MYRIP: variants seen among roughly 807,000 people sequenced by gnomAD.
The protein encoded by MYRIP is myosin VIIA and Rab interacting protein.
In MYRIP, 49 loss-of-function variants were observed where a neutral mutation model predicts 98.0. The observed-to-expected ratio is 0.50, with a 90% CI of 0.40 to 0.63. The LOEUF is 0.63. Ranked by LOEUF, MYRIP falls within the 30% of genes least tolerant of loss-of-function variation. The probability of loss-of-function intolerance (pLI) is 0.00; values close to 1 mark genes in which losing one functional copy is unlikely to be tolerated. For missense variants in MYRIP, 1,004 were observed against 1,058.2 expected, an observed-to-expected ratio of 0.95 and a Z score of 0.71; for synonymous variants, 404 against 409.5, an observed-to-expected ratio of 0.99 and a Z score of 0.16.
intron 2 of MYRIP, among the ~76,000 whole-genome samples, chr3:39,957,173 A>G (rs1403543472): frequency 6.6e-6 from 1 of 151,802 alleles, no homozygotes; most frequent in Non-Finnish European, 1.5e-5. Flanking sequence ...TCCCTAACTC[A>G]TTTTATGAGG....
At chr3:40,254,899 A>G (rs1953523872) in intron 16 of MYRIP, among the ~76,000 whole-genome samples, 1 of 152,178 alleles carries the variant, frequency 6.6e-6, no homozygotes. Flanking sequence ...AAACAAGGAC[A>G]AATTTATTTT....
intron 1 of MYRIP, among the ~76,000 whole-genome samples, chr3:39,833,835 A>C (rs1941544727): frequency 6.6e-6 from 1 of 152,218 alleles, no homozygotes; most frequent in Non-Finnish European, 1.5e-5. Context: ...AGCCTGGCCA[A>C]CATGGTGAAA....
At chr3:39,839,241 T>A (rs1230238361) in intron 1 of MYRIP, among the ~76,000 whole-genome samples, 1 of 151,966 alleles carries the variant, frequency 6.6e-6, no homozygotes, top group Non-Finnish European at 1.5e-5. Context: ...TTTGAATTTG[T>A]TTGCTCTTGC....
At chr3:40,117,424 CA>C (rs1334378622) in intron 3 of MYRIP, among the ~76,000 whole-genome samples, 1 of 152,206 alleles carries the variant, frequency 6.6e-6, no homozygotes, top group East Asian at 1.9e-4. Flanking sequence ...TAGCTTGAGG[CA>C]ACCTTCTGCC....
At chr3:40,215,474 C>T (rs1952089083) in intron 11 of MYRIP, among the ~76,000 whole-genome samples, 1 of 152,014 alleles carries the variant, frequency 6.6e-6, no homozygotes, top group Non-Finnish European at 1.5e-5. Flanking sequence ...TGATGGCTGC[C>T]CCCCAATTAC....
intron 3 of MYRIP, among the ~76,000 whole-genome samples, chr3:40,052,967 A>G (rs1947821121): frequency 6.6e-6 from 1 of 152,218 alleles, no homozygotes; most frequent in Non-Finnish European, 1.5e-5. Context: ...GAAATATACA[A>G]TCAATGATAT....
chr3:40,092,921 C>T (rs928581533), intron 3 of MYRIP, among the ~76,000 whole-genome samples: 7 of 152,120 alleles, frequency 4.6e-5, no homozygotes, highest in African/African-American at 1.7e-4. Context: ...GCTTCATGTT[C>T]CAGGAGGTCC....
At chr3:40,165,108 G>A (rs2125592430) in intron 5 of MYRIP, among the ~76,000 whole-genome samples, 1 of 152,336 alleles carries the variant, frequency 6.6e-6, no homozygotes, top group South Asian at 2.1e-4. Flanking sequence ...GAGATACAGT[G>A]TCTACCACCA....
At chr3:40,205,756 T>C (rs1384954857) in intron 10 of MYRIP, among the ~76,000 whole-genome samples, 1 of 152,108 alleles carries the variant, frequency 6.6e-6, no homozygotes, top group African/African-American at 2.4e-5. Context: ...GTTTGGTGTT[T>C]CAGTGAAGTT....
At chr3:40,245,422 G>A (rs565507795) in intron 13 of MYRIP, among the ~76,000 whole-genome samples, 212 of 151,898 alleles carry the variant, frequency 1.4e-3, no homozygotes, top group Middle Eastern at 0.014. Flanking sequence ...GGCCGAGGCG[G>A]GTGGATCACA....
chr3:39,945,110 C>T (rs566747129), intron 2 of MYRIP, among the ~76,000 whole-genome samples: 1 of 151,874 alleles, frequency 6.6e-6, no homozygotes, highest in Non-Finnish European at 1.5e-5. Context: ...AATTAAGCCA[C>T]ATGCTTAAGG....
intron 2 of MYRIP, among the ~76,000 whole-genome samples, chr3:39,994,952 C>A (rs1356607955): frequency 6.6e-6 from 1 of 152,196 alleles, no homozygotes; most frequent in Non-Finnish European, 1.5e-5. Flanking sequence ...CTCCAGCAAA[C>A]TCCAACAGAC....
chr3:40,084,919 C>T (rs1438952606), intron 3 of MYRIP, among the ~76,000 whole-genome samples: 16 of 136,234 alleles, frequency 1.2e-4, no homozygotes, highest in African/African-American at 3.3e-4. Flanking sequence ...TGTTACATGT[C>T]GATAGATAAT....
chr3:40,112,554 A>G (rs1254209155), intron 3 of MYRIP, among the ~76,000 whole-genome samples: 1 of 152,226 alleles, frequency 6.6e-6, no homozygotes, highest in Non-Finnish European at 1.5e-5. Context: ...AGCAGTCCTA[A>G]TATTTCAACA....
At chr3:40,217,805 G>A (rs1952169942) in intron 11 of MYRIP, among the ~76,000 whole-genome samples, 1 of 152,130 alleles carries the variant, frequency 6.6e-6, no homozygotes, top group Non-Finnish European at 1.5e-5. Flanking sequence ...AGAAAACAAA[G>A]ATGTCTTCTA....
intron 2 of MYRIP, among the ~76,000 whole-genome samples, chr3:39,988,197 T>C (rs975595789): frequency 2.0e-5 from 3 of 151,904 alleles, no homozygotes; most frequent in Non-Finnish European, 2.9e-5. Flanking sequence ...CATTAGGAGA[T>C]ATACCTAATG....
chr3:39,889,540 T>C (rs907963453), intron 1 of MYRIP, among the ~76,000 whole-genome samples: 2 of 151,150 alleles, frequency 1.3e-5, no homozygotes, highest in Non-Finnish European at 3.0e-5. Flanking sequence ...GGGGTGGGGG[T>C]AGGGAGGAGG....
intron 3 of MYRIP, among the ~76,000 whole-genome samples, chr3:40,121,729 A>C (rs1030312435): frequency 6.6e-6 from 1 of 152,192 alleles, no homozygotes; most frequent in Non-Finnish European, 1.5e-5. Flanking sequence ...GTACCAAAAA[A>C]CTCAGTAGTA....
At chr3:39,999,027 C>G (rs1489866100) in intron 2 of MYRIP, among the ~76,000 whole-genome samples, 1 of 152,106 alleles carries the variant, frequency 6.6e-6, no homozygotes, top group African/African-American at 2.4e-5. Context: ...AAAATTAATT[C>G]AAGATGGATT....
Sources: allele counts gnomAD v4.1 joint callset (sites outside exome capture counted in the v4.1 genomes callset), GRCh38; gene constraint gnomAD v4.1.1; transcripts MANE v1.5; gene names NCBI Gene and HGNC (gene_info 2026-07-23, HGNC 2026-07-21).